ANGPT1: variants seen among roughly 807,000 people sequenced by gnomAD.
ANGPT1 encodes angiopoietin-1.
A neutral mutation model predicts 62.2 loss-of-function variants in ANGPT1; 17 were observed. That is an observed-to-expected ratio of 0.27 (90% CI 0.19 to 0.41). ANGPT1 has a LOEUF of 0.41. ANGPT1 is among the 10% of genes least tolerant of loss of function. ANGPT1 has a pLI of 1.00. For missense variants in ANGPT1, 478 were observed against 594.9 expected (o/e 0.80, Z 2.04); for synonymous variants, 199 against 198.9 (o/e 1.00, Z 0.00).
At chr8:107,409,938 AATCCATCC>A (rs5893861) in intron 1 of ANGPT1, among the ~76,000 whole-genome samples, 29,904 of 148,822 alleles carry the variant, frequency 0.2, 3,123 homozygotes, top group African/African-American at 0.24. Context: ...ATATGTGATG[AATCCATCC>A]ATCCATCCAT....
In ANGPT1 at chr8:107,473,349, C is replaced by T. The variant is rs118185879; in HGVS notation, c.297+23913G>A. 3.8e-4 allele frequency among the ~76,000 whole-genome samples: 57 copies of T among 151,952 alleles called. No homozygotes were observed. In the East Asian group the frequency reaches 9.9e-3, roughly 26 times the overall value. ...ACAAAAAGCTTTATAAAGCATGATC[C>T]GCTTGCTATATGATGAAAAGCATTT... On this transcript the variant is annotated intron_variant, in intron 1 of 8. Coordinates refer to ENST00000517746, the MANE Select transcript of ANGPT1 (RefSeq NM_001146.5).
chr8:107,492,518 G>C (rs1487239445), intron 1 of ANGPT1, among the ~76,000 whole-genome samples: 1 of 152,088 alleles, frequency 6.6e-6, no homozygotes, highest in African/African-American at 2.4e-5. Flanking sequence ...TGTATTTTTA[G>C]TAGAGACAGG....
intron 8 of ANGPT1, among the ~76,000 whole-genome samples, chr8:107,260,831 G>T (rs1813474143): frequency 1.3e-5 from 2 of 152,178 alleles, no homozygotes; most frequent in African/African-American, 4.8e-5. Flanking sequence ...TGGTGAGTAA[G>T]AATTGGGTCC....
At chr8:107,422,767 G>A (rs1030873390) in intron 1 of ANGPT1, among the ~76,000 whole-genome samples, 14 of 151,746 alleles carry the variant, frequency 9.2e-5, no homozygotes, top group South Asian at 4.2e-4. Flanking sequence ...CAAACAAATC[G>A]GTCCATTAAC....
At chr8:107,261,903 A>C (rs1377351276) in intron 8 of ANGPT1, among the ~76,000 whole-genome samples, 1 of 151,910 alleles carries the variant, frequency 6.6e-6, no homozygotes, top group African/African-American at 2.4e-5. Context: ...CAAAAGATTT[A>C]TCCCAAACCA....
At chr8:107,442,395 T>C (rs886943586) in intron 1 of ANGPT1, among the ~76,000 whole-genome samples, 7 of 152,204 alleles carry the variant, frequency 4.6e-5, no homozygotes, top group South Asian at 2.1e-4. Context: ...CTAATCTAGT[T>C]TCAAGTTGTA....
At chr8:107,415,212 G>T (rs1810706829) in intron 1 of ANGPT1, among the ~76,000 whole-genome samples, 1 of 152,116 alleles carries the variant, frequency 6.6e-6, no homozygotes, top group African/African-American at 2.4e-5. Context: ...TGTGAACATG[G>T]CATACAGAAG....
intron 7 of ANGPT1, among the ~76,000 whole-genome samples, chr8:107,270,603 G>A (rs1406967578): frequency 3.9e-5 from 6 of 152,004 alleles, no homozygotes; most frequent in Admixed American, 2.6e-4. Context: ...TTAGCCAAGA[G>A]GGATGTCAGA....
intron 1 of ANGPT1, among the ~76,000 whole-genome samples, chr8:107,453,084 CAT>C (rs1382634192): frequency 2.5e-4 from 38 of 152,106 alleles, no homozygotes; most frequent in African/African-American, 4.8e-5. Flanking sequence ...TAAAGATGCA[CAT>C]GTGTGTGTGT....
chr8:107,407,902 A>T (rs1817182159), intron 1 of ANGPT1, among the ~76,000 whole-genome samples: 1 of 152,222 alleles, frequency 6.6e-6, no homozygotes. Flanking sequence ...ACTGGGGATT[A>T]TCTGTAACTT....
chr8:107,412,743 G>C (rs535738643), intron 1 of ANGPT1, among the ~76,000 whole-genome samples: 1 of 152,194 alleles, frequency 6.6e-6, no homozygotes, highest in Non-Finnish European at 1.5e-5. Context: ...AATATGATGA[G>C]TGTTGTGTTG....
intron 1 of ANGPT1, among the ~76,000 whole-genome samples, chr8:107,401,923 C>CT (rs966517044): frequency 2.0e-5 from 3 of 152,128 alleles, no homozygotes; most frequent in South Asian, 4.2e-4. Context: ...ATGTGATGTC[C>CT]TTTTTTTGCC....
At chr8:107,425,859 T>C (rs949131158) in intron 1 of ANGPT1, among the ~76,000 whole-genome samples, 6 of 152,140 alleles carry the variant, frequency 3.9e-5, no homozygotes, top group African/African-American at 1.4e-4. Context: ...GGTATCCTTT[T>C]CAACAAGCTT....
chr8:107,275,134 T>G (rs1247302579), intron 7 of ANGPT1, among the ~76,000 whole-genome samples: 4 of 152,166 alleles, frequency 2.6e-5, no homozygotes, highest in Non-Finnish European at 5.9e-5. Flanking sequence ...AGCTTGCATA[T>G]TGTTGTTGCT....
intron 4 of ANGPT1, among the ~76,000 whole-genome samples, chr8:107,307,288 T>C (rs933633200): frequency 6.6e-6 from 1 of 152,044 alleles, no homozygotes; most frequent in Non-Finnish European, 1.5e-5. Flanking sequence ...CATTGTCCTT[T>C]CATCCACTCA....
intron 7 of ANGPT1, among the ~76,000 whole-genome samples, chr8:107,267,798 C>T (rs1161398862): frequency 6.6e-6 from 1 of 151,988 alleles, no homozygotes; most frequent in Non-Finnish European, 1.5e-5. Context: ...CACCCTAACC[C>T]TCCCATATCT....
chr8:107,298,144 T>C (rs1422781292), intron 5 of ANGPT1, among the ~76,000 whole-genome samples: 1 of 151,902 alleles, frequency 6.6e-6, no homozygotes, highest in Non-Finnish European at 1.5e-5. Flanking sequence ...CCTTTTAACA[T>C]AATACGGAGG....
At chr8:107,353,250 G>C (rs1202641565) in intron 1 of ANGPT1, among the ~76,000 whole-genome samples, 1 of 152,154 alleles carries the variant, frequency 6.6e-6, no homozygotes, top group Non-Finnish European at 1.5e-5. Context: ...CAAGGATCTT[G>C]TTTTATAGAT....
At chr8:107,358,239 A>G (rs1189728883) in intron 1 of ANGPT1, among the ~76,000 whole-genome samples, 1 of 152,158 alleles carries the variant, frequency 6.6e-6, no homozygotes. Flanking sequence ...TTTTTTCTGA[A>G]TAATATTTGT....
Sources: gnomAD v4.1 joint callset for allele counts (sites outside exome capture counted in the v4.1 genomes callset) on GRCh38, gnomAD v4.1.1 for gene constraint, MANE v1.5 for transcripts, NCBI Gene and HGNC (gene_info 2026-07-23, HGNC 2026-07-21) for gene names.